RAD51B: variants seen among roughly 807,000 people sequenced by gnomAD.
RAD51B encodes the protein RAD51 paralog B.
Under a neutral mutation model 42.2 loss-of-function variants are expected in RAD51B, and 38 were observed. That is an observed-to-expected ratio of 0.90 (90% CI 0.70 to 1.18). The LOEUF is 1.18. Ranked by LOEUF, RAD51B falls within the 50% of genes most tolerant of loss-of-function variation. The probability of loss-of-function intolerance (pLI) is 0.00; values close to 1 mark genes in which losing one functional copy is unlikely to be tolerated. For synonymous variants in RAD51B, 154 were observed against 145.2 expected (o/e 1.06, Z -0.43); for missense variants, 373 against 400.7 (o/e 0.93, Z 0.59).
intron 8 of RAD51B, among the ~76,000 whole-genome samples, chr14:68,378,571 T>G (rs2083417195): frequency 6.6e-6 from 1 of 152,244 alleles, no homozygotes; most frequent in African/African-American, 2.4e-5. Flanking sequence ...TCCCATATAC[T>G]TTAATCTCTA....
chr14:68,405,829 CAAAAAAAA>C (rs10547910), intron 8 of RAD51B, among the ~76,000 whole-genome samples: 2 of 71,550 alleles, frequency 2.8e-5, no homozygotes, highest in African/African-American at 9.1e-5. Flanking sequence ...AGTTTATCAC[CAAAAAAAA>C]AAAAAAAAAA....
chr14:68,632,098 T>G (rs1442926236), intron 10 of RAD51B, among the ~76,000 whole-genome samples: 1 of 152,168 alleles, frequency 6.6e-6, no homozygotes, highest in Non-Finnish European at 1.5e-5. Context: ...TTTAAACCTC[T>G]GAGACACCAA....
At chr14:68,479,667 C>CTTTTTTTTTTTTTTTT (rs34999023), downstream of RAD51B, among the ~76,000 whole-genome samples, 5 of 96,434 alleles carry the variant, frequency 5.2e-5, no homozygotes, top group African/African-American at 8.2e-5. Context: ...TCTTATTCTT[C>CTTTTTTTTTTTTTTTT]TTTTTTTTTT....
intron 10 of RAD51B, chr14:68,541,789 G>T (rs1209350168): frequency 1.0e-6 from 1 of 985,270 alleles, no homozygotes; most frequent in Admixed American, 6.1e-5. Flanking sequence ...ACTTAAAAAT[G>T]ACTTTAAATG....
intron 8 of RAD51B, among the ~76,000 whole-genome samples, chr14:68,364,038 T>C (rs1442727642): frequency 6.6e-6 from 1 of 151,846 alleles, no homozygotes; most frequent in African/African-American, 2.4e-5. Flanking sequence ...GTGCGGGGAG[T>C]GTGTGGCGAA....
intron 7 of RAD51B, among the ~76,000 whole-genome samples, chr14:67,979,901 A>G (rs971402768): frequency 5.9e-5 from 9 of 152,206 alleles, no homozygotes; most frequent in African/African-American, 2.2e-4. Flanking sequence ...TTTAAGTCAC[A>G]TAAATTATCA....
At chr14:68,523,451 G>A (rs1232479067) in intron 10 of RAD51B, among the ~76,000 whole-genome samples, 1 of 152,182 alleles carries the variant, frequency 6.6e-6, no homozygotes, top group Non-Finnish European at 1.5e-5. Flanking sequence ...CACTGTGAAG[G>A]CAACGTAGCA....
At chr14:67,879,535 C>T (rs1017169108) in intron 5 of RAD51B, among the ~76,000 whole-genome samples, 6 of 151,872 alleles carry the variant, frequency 4.0e-5, no homozygotes, top group African/African-American at 7.3e-5. Context: ...CTCCAGCTCC[C>T]GGACTTAAGA....
chr14:68,620,626 T>C (rs1825414929), intron 10 of RAD51B, among the ~76,000 whole-genome samples: 1 of 152,242 alleles, frequency 6.6e-6, no homozygotes, highest in South Asian at 2.1e-4. Flanking sequence ...ATCTACCCAA[T>C]GATTTGCTAT....
At chr14:68,580,692 C>T (rs1251864770) in intron 10 of RAD51B, among the ~76,000 whole-genome samples, 1 of 152,204 alleles carries the variant, frequency 6.6e-6, no homozygotes. Context: ...TGTCCCCTCC[C>T]TGGGTGCCCA....
chr14:67,993,974 TATA>T (rs1450112018), intron 7 of RAD51B, among the ~76,000 whole-genome samples: 6 of 152,182 alleles, frequency 3.9e-5, no homozygotes, highest in Admixed American at 3.9e-4. Flanking sequence ...TGTTAGTATA[TATA>T]ATAACAGCTG....
downstream of RAD51B, chr14:68,596,050 A>G (rs1890985328): frequency 9.5e-7 from 1 of 1,050,984 alleles, no homozygotes; most frequent in South Asian, 4.6e-5. Context: ...AGAGACCAGC[A>G]GATGTGTTTC....
intron 7 of RAD51B, among the ~76,000 whole-genome samples, chr14:67,917,602 C>T (rs927394420): frequency 3.3e-5 from 5 of 152,078 alleles, no homozygotes; most frequent in African/African-American, 4.8e-5. Context: ...GATAACTTAA[C>T]GAGTATTATC....
rs1366747570 is a variant in RAD51B, at chr14:68,565,004, ATAGG to A, written c.1037-29479_1037-29476del. Among the ~76,000 whole-genome samples, 2 of 152,226 alleles carry A rather than the reference ATAGG, an allele frequency of 1.3e-5. No individual in the cohort carries two copies. The highest frequency in any genetic ancestry group is 6.5e-5 in the Admixed American group (1 of 15,288). On this transcript the variant is annotated intron_variant, in intron 10 of 10. Transcript: ENST00000487270. The surrounding 1 kb of genome is among the most constrained non-coding windows in gnomAD (Gnocchi z 4.1). ...CTGAGCCAGATTCCAGCCTCCGGCCATAGGTGAAAGACAATTTCCGATTATTGTT... is the reference window on the plus strand; with the variant it reads ...CTGAGCCAGATTCCAGCCTCCGGCCATGAAAGACAATTTCCGATTATTGTT...
At chr14:68,016,198 A>G (rs534640952) in intron 7 of RAD51B, among the ~76,000 whole-genome samples, 7 of 152,326 alleles carry the variant, frequency 4.6e-5, no homozygotes, top group Admixed American at 4.6e-4. Context: ...TTTATAAGCA[A>G]ATACGGGTAG....
chr14:68,311,044 T>C (rs1173101995), intron 8 of RAD51B, among the ~76,000 whole-genome samples: 1 of 151,982 alleles, frequency 6.6e-6, no homozygotes, highest in Admixed American at 6.5e-5. Context: ...GTCGGTGCCA[T>C]GTCTACGTTG....
At chr14:68,653,110 C>T (rs1017398968) in intron 11 of RAD51B, among the ~76,000 whole-genome samples, 2 of 152,236 alleles carry the variant, frequency 1.3e-5, no homozygotes, top group Non-Finnish European at 2.9e-5. Flanking sequence ...TAAGTTCTAA[C>T]TTGGTGGGCT....
In RAD51B at chr14:68,291,895, G is replaced by GA. The variant is rs748642618; in HGVS notation, c.770dup (p.Asn257LysfsTer22). The GA allele has an allele frequency of 4.3e-6, 7 of 1,612,768 alleles. No individual in the cohort carries two copies. The East Asian group carries it at 1.3e-4, about 31-fold the overall frequency. ...CTGTCTGTTCACAGGTTATCTTGAC[G>GA]AATCAGATTACAACCCATCTGAGTG... On this transcript the variant is annotated frameshift_variant, in exon 8 of 11. Transcript: ENST00000471583. LOFTEE classifies it high-confidence loss of function.
intron 7 of RAD51B, among the ~76,000 whole-genome samples, chr14:68,241,214 C>A (rs1268313668): frequency 6.6e-6 from 1 of 152,158 alleles, no homozygotes; most frequent in Non-Finnish European, 1.5e-5. Context: ...TCTCTTCTTT[C>A]TTCCTTTGTT....
Sources: allele counts gnomAD v4.1 joint callset (sites outside exome capture counted in the v4.1 genomes callset), GRCh38; gene constraint gnomAD v4.1.1; non-coding constraint Gnocchi (gnomAD v3.1); transcripts MANE v1.5; gene names NCBI Gene and HGNC (gene_info 2026-07-23, HGNC 2026-07-21).